The following PDCD1LG2 variants were observed in gnomAD, a reference collection of about 807,000 sequenced individuals.
PDCD1LG2 encodes programmed cell death 1 ligand 2.
PDCD1LG2 carries 32 observed loss-of-function variants against 28.2 expected under a neutral mutation model. The observed-to-expected ratio is 1.13, with a 90% confidence interval of 0.86 to 1.52. The LOEUF (loss-of-function observed/expected upper bound fraction) is 1.52. Among genes scored for constraint, PDCD1LG2 ranks in the 40% most tolerant of loss-of-function variants. The probability of loss-of-function intolerance (pLI) is 0.00; values close to 1 mark genes in which losing one functional copy is unlikely to be tolerated. For synonymous variants in PDCD1LG2, 116 were observed against 120.2 expected (o/e 0.97, Z 0.23); for missense variants, 385 against 323.8 (o/e 1.19, Z -1.45).
At chr9:5,513,369 C>T (rs1820097591) in intron 1 of PDCD1LG2, among the ~76,000 whole-genome samples, 3 of 152,236 alleles carry the variant, frequency 2.0e-5, no homozygotes, top group African/African-American at 7.2e-5. Flanking sequence ...TGGGAAGTCT[C>T]CCTTCCTTTA....
intron 3 of PDCD1LG2, among the ~76,000 whole-genome samples, chr9:5,538,027 T>C (rs1820615510): frequency 6.6e-6 from 1 of 152,162 alleles, no homozygotes; most frequent in Admixed American, 6.5e-5. Context: ...AACAAAAATA[T>C]GTTACATTAA....
chr9:5,545,811 A>G (rs1217699030), intron 3 of PDCD1LG2, among the ~76,000 whole-genome samples: 3 of 152,224 alleles, frequency 2.0e-5, no homozygotes, highest in Non-Finnish European at 4.4e-5. Context: ...CAGCAACTAC[A>G]GAACACACAT....
intron 4 of PDCD1LG2, among the ~76,000 whole-genome samples, chr9:5,557,056 T>G (rs981959921): frequency 1.3e-5 from 2 of 152,234 alleles, no homozygotes; most frequent in African/African-American, 4.8e-5. Context: ...TAGGATATTC[T>G]ATTTCTTCCA....
intron 2 of PDCD1LG2, among the ~76,000 whole-genome samples, chr9:5,530,257 T>G (rs1200323761): frequency 6.6e-6 from 1 of 152,188 alleles, no homozygotes; most frequent in African/African-American, 2.4e-5. Flanking sequence ...TACATGAATT[T>G]TTCATGCTTT....
At chr9:5,542,630 C>T (rs1820707790) in intron 3 of PDCD1LG2, among the ~76,000 whole-genome samples, 1 of 152,178 alleles carries the variant, frequency 6.6e-6, no homozygotes, top group Non-Finnish European at 1.5e-5. Context: ...ATCAAAACCA[C>T]ACTGCGATAC....
intron 2 of PDCD1LG2, among the ~76,000 whole-genome samples, chr9:5,531,617 G>C (rs1200863849): frequency 6.6e-6 from 1 of 152,220 alleles, no homozygotes; most frequent in Admixed American, 6.5e-5. Flanking sequence ...AGGCAGTAAA[G>C]AGGGGAGTTC....
chr9:5,543,095 T>C (rs1484360095), intron 3 of PDCD1LG2, among the ~76,000 whole-genome samples: 1 of 152,166 alleles, frequency 6.6e-6, no homozygotes, highest in Non-Finnish European at 1.5e-5. Flanking sequence ...AGACTATTAT[T>C]CTAAGTGAAG....
intron 2 of PDCD1LG2, among the ~76,000 whole-genome samples, chr9:5,529,643 T>C (rs1820443856): frequency 1.3e-5 from 2 of 152,180 alleles, no homozygotes; most frequent in South Asian, 4.1e-4. Context: ...CACCCCAGTC[T>C]TTTTTCATTG....
chr9:5,537,326 G>C (rs56301313), intron 3 of PDCD1LG2, among the ~76,000 whole-genome samples: 62,511 of 151,962 alleles, frequency 0.41, 14,372 homozygotes, highest in African/African-American at 0.63. Flanking sequence ...ATGTCATATG[G>C]TTCTTCGGAT....
chr9:5,543,429 C>G (rs975458003), intron 3 of PDCD1LG2, among the ~76,000 whole-genome samples: 1 of 151,660 alleles, frequency 6.6e-6, no homozygotes, highest in African/African-American at 2.4e-5. Flanking sequence ...GTCGCAGCTA[C>G]TCGGGAGGCT....
chr9:5,530,640 C>T (rs930757503), intron 2 of PDCD1LG2, among the ~76,000 whole-genome samples: 1 of 152,208 alleles, frequency 6.6e-6, no homozygotes, highest in Non-Finnish European at 1.5e-5. Context: ...GGGCAAGTTG[C>T]ATCACTTCTT....
intron 5 of PDCD1LG2, among the ~76,000 whole-genome samples, chr9:5,559,006 C>T (rs1281703619): frequency 6.6e-6 from 1 of 152,206 alleles, no homozygotes; most frequent in Admixed American, 6.5e-5. Flanking sequence ...TGCCATTCTT[C>T]TTTTACCTCT....
At chr9:5,560,321 C>G (rs530214548) in intron 5 of PDCD1LG2, among the ~76,000 whole-genome samples, 1 of 152,296 alleles carries the variant, frequency 6.6e-6, no homozygotes, top group Admixed American at 6.5e-5. Flanking sequence ...TTACTTAGCC[C>G]ACAGGGCCAG....
Position 5,570,236 on chromosome 9 carries a change from A to G in PDCD1LG2, c.*277A>G. ...ACCCCACTGGATCCTGGACCCACAG[A>G]ATTCCTTCAGGATCCTTCTTGCTGC... On this transcript the variant is annotated 3_prime_UTR_variant, in exon 7 of 7. Transcript: ENST00000397747. The G allele has an allele frequency of 2.6e-6, 1 of 379,978 alleles. No individual in the cohort carries two copies. Among genetic ancestry groups the G allele is most frequent in the Non-Finnish European group, 4.7e-6 (1 of 211,780 alleles). 23.5% of individuals were successfully genotyped at this position (379,978 alleles called of 1,614,324 possible). A position where few individuals can be genotyped will look rare whatever the true frequency, so the allele number is the denominator to read the frequency against.
At chr9:5,515,209 A>G (rs1820134096) in intron 1 of PDCD1LG2, among the ~76,000 whole-genome samples, 1 of 152,248 alleles carries the variant, frequency 6.6e-6, no homozygotes, top group Admixed American at 6.5e-5. Context: ...GCCCAATAAC[A>G]TTAAGATGAA....
intron 3 of PDCD1LG2, among the ~76,000 whole-genome samples, chr9:5,543,244 A>G (rs1313424163): frequency 6.6e-6 from 1 of 152,120 alleles, no homozygotes; most frequent in Non-Finnish European, 1.5e-5. Context: ...GAGAGATAAA[A>G]AACTCCACAT....
intron 2 of PDCD1LG2, among the ~76,000 whole-genome samples, chr9:5,532,531 T>G (rs960203543): frequency 6.6e-6 from 1 of 152,208 alleles, no homozygotes; most frequent in Non-Finnish European, 1.5e-5. Context: ...GCCAAGCTCT[T>G]AACTAGAACT....
rs1384174803 is a variant in PDCD1LG2, at chr9:5,569,540, G to A, written c.817-414G>A. ...TGAGCCCAGTCAAAGACAGAGGGAG[G>A]AGCCCAGTGATGCAGTCTGCAATGT... On this transcript the variant is annotated intron_variant, in intron 6 of 6. Coordinates refer to ENST00000397747, the MANE Select transcript of PDCD1LG2 (RefSeq NM_025239.4). The surrounding 1 kb of genome is among the most constrained non-coding windows in gnomAD (Gnocchi z 4.1). Among the ~76,000 whole-genome samples, 1 of 152,224 alleles carries A rather than the reference G, an allele frequency of 6.6e-6. No homozygotes were observed. The highest frequency in any genetic ancestry group is 2.4e-5 in the African/African-American group (1 of 41,448).
At chr9:5,567,879 A>G (rs1816695684) in intron 6 of PDCD1LG2, among the ~76,000 whole-genome samples, 1 of 152,230 alleles carries the variant, frequency 6.6e-6, no homozygotes, top group African/African-American at 2.4e-5. Context: ...AATTTGGGTT[A>G]AAACAAAAAG....
Sources: gnomAD v4.1 joint callset for allele counts (sites outside exome capture counted in the v4.1 genomes callset) on GRCh38, gnomAD v4.1.1 for gene constraint, Gnocchi (gnomAD v3.1) non-coding constraint, MANE v1.5 for transcripts, NCBI Gene and HGNC (gene_info 2026-07-23, HGNC 2026-07-21) for gene names.